Variants in ADAM29 observed in about 807,000 individuals in gnomAD.
ADAM29 encodes disintegrin and metalloproteinase domain-containing protein 29.
For synonymous variants in ADAM29, 367 were observed against 342.3 expected (o/e 1.07, Z -0.80); for missense variants, 969 against 1,001.8 (o/e 0.97, Z 0.44).
intron 4 of ADAM29, among the ~76,000 whole-genome samples, chr4:174,953,524 A>G (rs1408779757): frequency 1.3e-5 from 2 of 152,228 alleles, no homozygotes; most frequent in Non-Finnish European, 2.9e-5. Flanking sequence ...TGAAACTCAC[A>G]TAATATGAAG....
intron 4 of ADAM29, among the ~76,000 whole-genome samples, chr4:174,959,471 G>A (rs1448906268): frequency 6.6e-6 from 1 of 151,028 alleles, no homozygotes; most frequent in Admixed American, 6.6e-5. Context: ...GTGTGTGTGT[G>A]TGTGTGTGTG....
At chr4:174,943,429 T>C (rs973832015) in intron 4 of ADAM29, among the ~76,000 whole-genome samples, 1 of 152,186 alleles carries the variant, frequency 6.6e-6, no homozygotes, top group Non-Finnish European at 1.5e-5. Flanking sequence ...TGATTTATAG[T>C]TCCACATAGC....
chr4:174,957,281 G>A (rs970574051), intron 4 of ADAM29, among the ~76,000 whole-genome samples: 1 of 151,794 alleles, frequency 6.6e-6, no homozygotes, highest in African/African-American at 2.4e-5. Flanking sequence ...ACTCTGTAAT[G>A]AGCTTAATGC....
In ADAM29 at chr4:174,959,457, C is replaced by CTGTGTG. The variant is rs34184384; in HGVS notation, c.-180-15867_-180-15862dup. Among the ~76,000 whole-genome samples the CTGTGTG allele has an allele frequency of 4.5e-3, 654 of 145,694 alleles. 1 individual carries two copies. Among genetic ancestry groups the CTGTGTG allele is most frequent in the Middle Eastern group, 0.01 (3 of 286 alleles). On this transcript the variant is annotated intron_variant, in intron 4 of 4. Coordinates refer to ENST00000359240, the MANE Select transcript of ADAM29 (RefSeq NM_014269.4). ...CTGTGGTTTGTGTGTATGAGAAAGA[C>CTGTGTG]TGTGTGTGTGTGTGTGTGTGTGTGT...
chr4:174,950,413 C>T (rs893600855), intron 4 of ADAM29, among the ~76,000 whole-genome samples: 1 of 152,190 alleles, frequency 6.6e-6, no homozygotes, highest in Non-Finnish European at 1.5e-5. Context: ...AACTAACAAC[C>T]TGGTCTCCCA....
chr4:174,924,523 AG>A (rs1336555169), intron 2 of ADAM29, among the ~76,000 whole-genome samples: 1 of 152,244 alleles, frequency 6.6e-6, no homozygotes, highest in African/African-American at 2.4e-5. Flanking sequence ...TGTATATAGC[AG>A]CTTTATTCAT....
chr4:174,925,685 G>A (rs111794739), intron 2 of ADAM29, among the ~76,000 whole-genome samples: 1,543 of 148,462 alleles, frequency 0.01, 20 homozygotes, highest in African/African-American at 0.037. Context: ...AAAATGCCAG[G>A]AGAAGTATCC....
chr4:174,949,617 A>G (rs1248727571), intron 4 of ADAM29, among the ~76,000 whole-genome samples: 1 of 147,080 alleles, frequency 6.8e-6, no homozygotes, highest in East Asian at 2.0e-4. Flanking sequence ...CCCTGTGTCC[A>G]CTCTCAATTC....
intron 4 of ADAM29, among the ~76,000 whole-genome samples, chr4:174,959,793 A>G (rs1359433766): frequency 6.6e-6 from 1 of 151,958 alleles, no homozygotes; most frequent in Non-Finnish European, 1.5e-5. Flanking sequence ...TTCATTAAAC[A>G]CATTCATTTC....
intron 4 of ADAM29, among the ~76,000 whole-genome samples, chr4:174,973,869 G>A (rs1746604455): frequency 6.6e-6 from 1 of 152,104 alleles, no homozygotes; most frequent in Non-Finnish European, 1.5e-5. Flanking sequence ...TTTGATAGAG[G>A]GCTAGGAAAT....
rs758669204 is a variant in ADAM29 at position 174,976,287 on chromosome 4, A to G, written c.762A>G (p.Lys254=). ...LLFGLEIWTN[K]NLIVVDDVRK... Reference sequence around the variant, plus strand: ...TTGGTTTGGAGATCTGGACCAATAAAAACCTCATTGTAGTAGATGATGTAA... The same window carrying G: ...TTGGTTTGGAGATCTGGACCAATAAGAACCTCATTGTAGTAGATGATGTAA... Residue 254 remains lysine, a synonymous_variant, in exon 5 of 5, where the codon AAA becomes AAG. Transcript: ENST00000359240. The G allele has an allele frequency of 6.2e-7, 1 of 1,611,882 alleles. No homozygotes were observed. Among genetic ancestry groups the G allele is most frequent in the Admixed American group, 1.7e-5 (1 of 59,566 alleles).
At chr4:174,924,196 C>T (rs1044845759) in intron 2 of ADAM29, among the ~76,000 whole-genome samples, 5 of 152,106 alleles carry the variant, frequency 3.3e-5, no homozygotes, top group Non-Finnish European at 5.9e-5. Flanking sequence ...ACAGACATGT[C>T]ATCAAAGAAC....
intron 2 of ADAM29, among the ~76,000 whole-genome samples, chr4:174,923,205 C>T (rs546334685): frequency 1.6e-4 from 25 of 151,916 alleles, no homozygotes; most frequent in East Asian, 3.9e-4. Context: ...TACAGGTCTG[C>T]GCCACCACAC....
intron 4 of ADAM29, among the ~76,000 whole-genome samples, chr4:174,962,237 T>C (rs918400853): frequency 2.6e-5 from 4 of 152,072 alleles, no homozygotes; most frequent in Non-Finnish European, 5.9e-5. Flanking sequence ...AGAGGCCTGG[T>C]GCAGTGGCTC....
chr4:174,934,456 A>T, intron 3 of ADAM29, among the ~76,000 whole-genome samples: 1 of 151,852 alleles, frequency 6.6e-6, no homozygotes, highest in Non-Finnish European at 1.5e-5. Context: ...TTGTATTTTT[A>T]TTTCTATTTT....
rs778551043 is a variant in ADAM29, at chr4:174,975,961, G to A, written c.436G>A (p.Glu146Lys). Reference sequence around the variant, plus strand: ...GCCCCTAGCATTTTCTACCACGTTTGAACATCTGGTATACAAGATGGACAG... The same window carrying A: ...GCCCCTAGCATTTTCTACCACGTTTAAACATCTGGTATACAAGATGGACAG... The part of the protein sequence containing the change: ...IKPLAFSTTF[E>K]HLVYKMDSEE... The change falls in exon 5 of 5, where the codon GAA becomes AAA. Residue 146 changes from glutamate to lysine, a missense_variant. Transcript: ENST00000359240. The A allele has an allele frequency of 7.4e-6, 12 of 1,613,936 alleles. No homozygotes were observed. The Admixed American group carries it at 1.8e-4, about 25-fold the overall frequency.
chr4:174,965,504 T>TATCTATCTATC (rs963252021), intron 4 of ADAM29, among the ~76,000 whole-genome samples: 47 of 151,774 alleles, frequency 3.1e-4, no homozygotes, highest in South Asian at 2.1e-4. Flanking sequence ...TCTATCTATC[T>TATCTATCTATC]ATCTATCTAT....
At chr4:174,927,536 G>A (rs1006171710) in intron 2 of ADAM29, among the ~76,000 whole-genome samples, 3 of 152,046 alleles carry the variant, frequency 2.0e-5, no homozygotes, top group African/African-American at 7.2e-5. Context: ...TACTATCTAA[G>A]TAGTAAATTT....
chr4:174,968,266 T>G (rs190624054), intron 4 of ADAM29, among the ~76,000 whole-genome samples: 129 of 152,248 alleles, frequency 8.5e-4, no homozygotes, highest in Non-Finnish European at 1.3e-4. Context: ...CAAAGACCTA[T>G]CAAGCAGGAG....
Sources: gnomAD v4.1 joint callset for allele counts (sites outside exome capture counted in the v4.1 genomes callset) on GRCh38, gnomAD v4.1.1 for gene constraint, MANE v1.5 for transcripts, NCBI Gene and HGNC (gene_info 2026-07-23, HGNC 2026-07-21) for gene names.